The following LANCL1 variants were observed in gnomAD, a reference collection of about 807,000 sequenced individuals.
LANCL1 encodes the protein LanC like glutathione S-transferase 1.
Under a neutral mutation model 50.6 loss-of-function variants are expected in LANCL1, and 50 were observed. That is an observed-to-expected ratio of 0.99 (90% confidence interval 0.79 to 1.25). The LOEUF is 1.25. Among genes scored for constraint, LANCL1 ranks in the 50% most tolerant of loss-of-function variants. The pLI is 0.00. For missense variants in LANCL1, 532 were observed against 480.7 expected (o/e 1.11, Z -1.00); for synonymous variants, 188 against 178.6 (o/e 1.05, Z -0.42).
intron 7 of LANCL1, among the ~76,000 whole-genome samples, chr2:210,436,878 T>G (rs1479388832): frequency 6.6e-6 from 1 of 152,230 alleles, no homozygotes; most frequent in Admixed American, 6.5e-5. Flanking sequence ...TTAGGAAATA[T>G]TCTGAGTAGA....
At chr2:210,448,326 A>G (rs1329394483) in intron 4 of LANCL1, among the ~76,000 whole-genome samples, 9 of 152,262 alleles carry the variant, frequency 5.9e-5, no homozygotes, top group African/African-American at 1.9e-4. Flanking sequence ...ACAATGTACC[A>G]GAATCTCTGG....
At chr2:210,452,912 AG>A (rs1693552526) in intron 4 of LANCL1, among the ~76,000 whole-genome samples, 1 of 152,172 alleles carries the variant, frequency 6.6e-6, no homozygotes, top group Non-Finnish European at 1.5e-5. Context: ...ATGAGAAAAA[AG>A]GTTTAGTAAA....
At chr2:210,440,459 G>T in intron 6 of LANCL1, 139 bp downstream of exon 6, 1 of 774,622 alleles carries the variant, frequency 1.3e-6, no homozygotes, top group South Asian at 2.5e-5. Context: ...GTTTGTCTAG[G>T]ACAAGTAATT....
chr2:210,473,571 C>T (rs995693317), intron 2 of LANCL1, among the ~76,000 whole-genome samples: 1 of 152,174 alleles, frequency 6.6e-6, no homozygotes, highest in African/African-American at 2.4e-5. Context: ...AACCTAACCA[C>T]TCACATCAGA....
chr2:210,448,738 T>C (rs574630281), intron 4 of LANCL1, among the ~76,000 whole-genome samples: 24 of 152,298 alleles, frequency 1.6e-4, no homozygotes, highest in African/African-American at 5.3e-4. Context: ...TCTATGCAGA[T>C]AAACTAGAAA....
intron 6 of LANCL1, among the ~76,000 whole-genome samples, chr2:210,439,550 A>T: frequency 6.6e-6 from 1 of 152,234 alleles, no homozygotes; most frequent in South Asian, 2.1e-4. Context: ...ATGCACCAGA[A>T]AAATAAAGAA....
At chr2:210,440,931 G>C (rs956507290) in intron 5 of LANCL1, among the ~76,000 whole-genome samples, 187 bp from the exon 6 acceptor site, 1 of 152,188 alleles carries the variant, frequency 6.6e-6, no homozygotes, top group African/African-American at 2.4e-5. Flanking sequence ...CCTAGAAGGG[G>C]GAGGGCGTAG....
chr2:210,438,388 G>C (rs776964031), intron 6 of LANCL1, among the ~76,000 whole-genome samples: 2 of 151,988 alleles, frequency 1.3e-5, no homozygotes, highest in Admixed American at 1.3e-4. Context: ...GCCCACCTTG[G>C]CCTCCCAAAG....
At chr2:210,444,825 G>C (rs1693260819) in intron 4 of LANCL1, among the ~76,000 whole-genome samples, 1 of 151,398 alleles carries the variant, frequency 6.6e-6, no homozygotes, top group African/African-American at 2.4e-5. Context: ...GGGCCATTTT[G>C]TTTTCTACTT....
At chr2:210,475,256 A>T (rs182826030) in intron 2 of LANCL1, among the ~76,000 whole-genome samples, 2 of 152,340 alleles carry the variant, frequency 1.3e-5, no homozygotes, top group Non-Finnish European at 2.9e-5. Context: ...TATGGCTGAC[A>T]AGTTTCAAAG....
chr2:210,448,075 C>T (rs1314236010), intron 4 of LANCL1, among the ~76,000 whole-genome samples: 1 of 152,206 alleles, frequency 6.6e-6, no homozygotes, highest in Non-Finnish European at 1.5e-5. Context: ...CCACATCACA[C>T]TTATTCTAAA....
chr2:210,469,998 TA>T (rs1694178227), intron 3 of LANCL1, among the ~76,000 whole-genome samples: 2 of 146,172 alleles, frequency 1.4e-5, no homozygotes, highest in South Asian at 4.3e-4. Flanking sequence ...AATAACAAAA[TA>T]ATAGAAACTC....
intron 3 of LANCL1, among the ~76,000 whole-genome samples, chr2:210,462,884 T>C (rs1432343452): frequency 1.3e-5 from 2 of 152,248 alleles, no homozygotes; most frequent in Non-Finnish European, 2.9e-5. Context: ...CACTTAAATC[T>C]GACTAGTCAT....
chr2:210,467,331 G>A (rs906748944), intron 3 of LANCL1, among the ~76,000 whole-genome samples: 4 of 152,138 alleles, frequency 2.6e-5, no homozygotes, highest in Non-Finnish European at 2.9e-5. Flanking sequence ...GAGTGTTCCT[G>A]CCTTTCCTGC....
rs773101362 is a variant in LANCL1 at position 210,476,367 on chromosome 2, A to G, written c.30T>C (p.Tyr10=). MAQRAFPNP[Y]ADYNKSLAEG... ...CGGCCAGGGATTTGTTATAATCAGC[A>G]TAAGGATTCGGGAAGGCCCTTTGAG... Residue 10 remains tyrosine (Y), a synonymous_variant, in exon 2 of 10, where the codon TAT becomes TAC. Coordinates refer to ENST00000450366, the MANE Select transcript of LANCL1 (RefSeq NM_006055.3). The G allele has an allele frequency of 7.4e-6, 12 of 1,614,120 alleles. No homozygotes were observed. Among genetic ancestry groups the G allele is most frequent in the East Asian group, 4.5e-5 (2 of 44,880 alleles).
At chr2:210,448,472 G>C (rs1327706679) in intron 4 of LANCL1, among the ~76,000 whole-genome samples, 1 of 152,066 alleles carries the variant, frequency 6.6e-6, no homozygotes, top group Non-Finnish European at 1.5e-5. Context: ...AAATTCAAAA[G>C]CTAGCAGAAG....
At chr2:210,437,665 T>A (rs183245618) in intron 7 of LANCL1, 25 bp downstream of exon 7, 13 of 1,421,446 alleles carry the variant, frequency 9.1e-6, no homozygotes, top group African/African-American at 4.4e-5. Context: ...TTTAAAAAAA[T>A]TTATTTCAAA....
rs1692831910 is a variant in LANCL1, at chr2:210,433,930, G to A, written c.*557C>T. The A allele has an allele frequency of 6.6e-6, 1 of 152,130 alleles. No homozygotes were observed. Among genetic ancestry groups the A allele is most frequent in the Admixed American group, 6.5e-5 (1 of 15,268 alleles). 9.4% of individuals were successfully genotyped at this position (152,130 alleles called of 1,614,324 possible). On this transcript the variant is annotated 3_prime_UTR_variant, in exon 10 of 10. Transcript: ENST00000450366. ...AATAGGCATCAAGAATTTAAAAAAT[G>A]ATATTTAGGTACCAAGTCCAGATTG...
chr2:210,464,762 C>T (rs375654953), intron 3 of LANCL1, among the ~76,000 whole-genome samples: 1 of 150,830 alleles, frequency 6.6e-6, no homozygotes, highest in African/African-American at 2.5e-5. Flanking sequence ...GTCAGGAGAT[C>T]GAGACCATTC....
Sources: allele counts gnomAD v4.1 joint callset (sites outside exome capture counted in the v4.1 genomes callset), GRCh38; gene constraint gnomAD v4.1.1; transcripts MANE v1.5; gene names NCBI Gene and HGNC (gene_info 2026-07-23, HGNC 2026-07-21).